The following PDZRN4 variants were observed in gnomAD, a reference collection of about 807,000 sequenced individuals.
The protein encoded by PDZRN4 is PDZ domain-containing RING finger protein 4.
Under a neutral mutation model 99.0 loss-of-function variants are expected in PDZRN4, and 70 were observed. That is an observed-to-expected ratio of 0.71 (90% confidence interval 0.58 to 0.86). The LOEUF (loss-of-function observed/expected upper bound fraction) is 0.86. Among genes scored for constraint, PDZRN4 ranks in the 40% least tolerant of loss-of-function variants. The probability of loss-of-function intolerance (pLI) is 0.00; values close to 1 mark genes in which losing one functional copy is unlikely to be tolerated. For synonymous variants in PDZRN4, 551 were observed against 501.6 expected (o/e 1.10, Z -1.32); for missense variants, 1,474 against 1,331.2 (o/e 1.11, Z -1.67).
chr12:41,549,187 T>C (rs1939012771), intron 5 of PDZRN4, among the ~76,000 whole-genome samples: 1 of 152,140 alleles, frequency 6.6e-6, no homozygotes, highest in Non-Finnish European at 1.5e-5. Flanking sequence ...AGAGGTAGCA[T>C]TTCACTTTTA....
intron 6 of PDZRN4, 138 bp downstream of exon 6, chr12:41,552,892 C>T (rs1939083707): frequency 1.7e-6 from 1 of 593,660 alleles, no homozygotes; most frequent in Admixed American, 2.8e-5. Flanking sequence ...AACGTGTCAC[C>T]TTCAATTAGG....
Position 41,356,823 on chromosome 12 carries a change from TAAC to T in PDZRN4, c.844-149630_844-149628del, listed in dbSNP as rs1299395071. Among the ~76,000 whole-genome samples, 5 of 152,044 alleles carry T rather than the reference TAAC, an allele frequency of 3.3e-5. No individual in the cohort carries two copies. In the South Asian group the frequency reaches 6.2e-4, roughly 19 times the overall value. ...TTGAACAACTAAAGGGAAGAATGAG[TAAC>T]AAGTGGCATTCTGTTCAGAAAAATG... On this transcript the variant is annotated intron_variant, in intron 3 of 9. Transcript: ENST00000402685.
intron 3 of PDZRN4, among the ~76,000 whole-genome samples, chr12:41,241,100 A>C (rs1402413073): frequency 2.0e-5 from 3 of 152,034 alleles, no homozygotes; most frequent in African/African-American, 7.2e-5. Context: ...CAAAATGCTC[A>C]AGACCAGAAG....
At chr12:41,528,970 A>T (rs1938615584) in intron 5 of PDZRN4, among the ~76,000 whole-genome samples, 1 of 152,128 alleles carries the variant, frequency 6.6e-6, no homozygotes, top group African/African-American at 2.4e-5. Flanking sequence ...TTCAAGACCT[A>T]ATAGACTCCA....
At chr12:41,376,603 C>T (rs534919384) in intron 3 of PDZRN4, among the ~76,000 whole-genome samples, 11 of 151,966 alleles carry the variant, frequency 7.2e-5, no homozygotes, top group South Asian at 2.1e-4. Flanking sequence ...TTGAGTTGTA[C>T]GAGTTTCTAA....
At chr12:41,213,234 G>T (rs745949339) in intron 3 of PDZRN4, among the ~76,000 whole-genome samples, 1 of 151,968 alleles carries the variant, frequency 6.6e-6, no homozygotes, top group South Asian at 2.1e-4. Context: ...CTGCTGTAAC[G>T]TTGCAAGTGG....
intron 3 of PDZRN4, among the ~76,000 whole-genome samples, chr12:41,217,765 C>T (rs1174054662): frequency 6.6e-6 from 1 of 152,052 alleles, no homozygotes; most frequent in Non-Finnish European, 1.5e-5. Flanking sequence ...CCTTGGCCTG[C>T]TTACTGTGAG....
chr12:41,439,651 C>T (rs531049963), intron 3 of PDZRN4, among the ~76,000 whole-genome samples: 233 of 152,242 alleles, frequency 1.5e-3, no homozygotes, highest in Middle Eastern at 3.4e-3. Context: ...GTTTTGCCTT[C>T]AAGTGCTTCC....
intron 5 of PDZRN4, among the ~76,000 whole-genome samples, chr12:41,540,948 G>A (rs1400793990): frequency 6.6e-6 from 1 of 150,480 alleles, no homozygotes; most frequent in Non-Finnish European, 1.5e-5. Flanking sequence ...TTTCGGAGAC[G>A]GAGTCTCACT....
chr12:41,297,175 C>A (rs974084688), intron 3 of PDZRN4, among the ~76,000 whole-genome samples: 1 of 151,960 alleles, frequency 6.6e-6, no homozygotes, highest in Non-Finnish European at 1.5e-5. Context: ...TCTTTTAATT[C>A]CATTTTCCAC....
At chr12:41,266,732 A>C (rs988796628) in intron 3 of PDZRN4, among the ~76,000 whole-genome samples, 1 of 152,202 alleles carries the variant, frequency 6.6e-6, no homozygotes, top group African/African-American at 2.4e-5. Flanking sequence ...GGCTGTGTAA[A>C]TATCCAGAAT....
At chr12:41,465,701 G>A (rs1952918098) in intron 3 of PDZRN4, among the ~76,000 whole-genome samples, 3 of 152,204 alleles carry the variant, frequency 2.0e-5, no homozygotes, top group Admixed American at 6.5e-5. Context: ...GAACTAACCA[G>A]TCTCTCTCCC....
At chr12:41,562,477 T>G (rs1395796490) in intron 7 of PDZRN4, among the ~76,000 whole-genome samples, 1 of 152,166 alleles carries the variant, frequency 6.6e-6, no homozygotes. Flanking sequence ...TCCATCTGCT[T>G]CATTTATTCA....
chr12:41,239,206 C>T (rs541573114), intron 3 of PDZRN4, among the ~76,000 whole-genome samples: 7 of 152,244 alleles, frequency 4.6e-5, no homozygotes, highest in Admixed American at 1.3e-4. Context: ...AGCAAACTAA[C>T]GCAGGGACAG....
chr12:41,350,408 A>G (rs1010962321), intron 3 of PDZRN4, among the ~76,000 whole-genome samples: 1 of 152,254 alleles, frequency 6.6e-6, no homozygotes, highest in Admixed American at 6.6e-5. Flanking sequence ...ATGAATGTCT[A>G]TAGAAAACTA....
chr12:41,211,036 G>T (rs908266138), intron 3 of PDZRN4, among the ~76,000 whole-genome samples: 1 of 151,876 alleles, frequency 6.6e-6, no homozygotes, highest in Non-Finnish European at 1.5e-5. Flanking sequence ...TCTACACAAT[G>T]CCAGAGAATA....
chr12:41,360,719 C>T (rs1322159056), intron 3 of PDZRN4, among the ~76,000 whole-genome samples: 1 of 151,770 alleles, frequency 6.6e-6, no homozygotes, highest in Non-Finnish European at 1.5e-5. Context: ...AGTAGACTAC[C>T]TGAAAGAAGC....
chr12:41,228,959 C>T (rs569071951), intron 3 of PDZRN4, among the ~76,000 whole-genome samples: 42 of 151,994 alleles, frequency 2.8e-4, no homozygotes, highest in Non-Finnish European at 4.9e-4. Flanking sequence ...TGGGATTTAA[C>T]GCTTAGATTC....
intron 3 of PDZRN4, among the ~76,000 whole-genome samples, chr12:41,257,388 G>A (rs572451309): frequency 6.6e-6 from 1 of 152,272 alleles, no homozygotes; most frequent in South Asian, 2.1e-4. Flanking sequence ...GCGGGTGCTT[G>A]CCCTCATCAC....
Sources: gnomAD v4.1 joint callset for allele counts (sites outside exome capture counted in the v4.1 genomes callset) on GRCh38, gnomAD v4.1.1 for gene constraint, MANE v1.5 for transcripts, NCBI Gene and HGNC (gene_info 2026-07-23, HGNC 2026-07-21) for gene names.